PBX1: variants seen among roughly 807,000 people sequenced by gnomAD.
PBX1 encodes pre-B-cell leukemia transcription factor 1.
A neutral mutation model predicts 53.4 loss-of-function variants in PBX1; 6 were observed. That is an observed-to-expected ratio of 0.11 (90% CI 0.06 to 0.22). PBX1 has a LOEUF of 0.22. Ranked by LOEUF, PBX1 falls within the 10% of genes least tolerant of loss-of-function variation. The pLI, the probability that PBX1 is intolerant of heterozygous loss-of-function variation, is 1.00. For synonymous variants in PBX1, 204 were observed against 212.3 expected (o/e 0.96, Z 0.34); for missense variants, 251 against 551.4 (o/e 0.46, Z 5.46).
chr1:164,691,189 A>T (rs950571980), intron 2 of PBX1, among the ~76,000 whole-genome samples: 7 of 151,184 alleles, frequency 4.6e-5, no homozygotes, highest in African/African-American at 1.7e-4. Flanking sequence ...TAATTTTTGT[A>T]TTTTTTGTAG....
chr1:164,811,523 A>G (rs1261356542), intron 5 of PBX1, among the ~76,000 whole-genome samples: 2 of 152,188 alleles, frequency 1.3e-5, no homozygotes, highest in African/African-American at 4.8e-5. Flanking sequence ...AAGTTATGTA[A>G]CTTCTAAAAA....
At position 164,799,899 on chromosome 1, in the gene PBX1, C is replaced by T. The variant is rs1468111822; in HGVS notation, c.701+10C>T. 6.2e-7 allele frequency: 1 copy of T among 1,605,790 alleles called. No homozygotes were observed. The highest frequency in any genetic ancestry group is 8.5e-7 in the Non-Finnish European group (1 of 1,174,914). On this transcript the variant is annotated intron_variant, in intron 4 of 8. Transcript: ENST00000420696. ...GATTTCTGGATGCGCGGTGAGTCTC[C>T]CATGGGGCTGTCCTGCCCTCTCTGG... is the stretch of plus-strand genomic sequence containing the variant.
At chr1:164,630,293 A>T (rs1027366704) in intron 2 of PBX1, among the ~76,000 whole-genome samples, 2 of 152,138 alleles carry the variant, frequency 1.3e-5, no homozygotes, top group Admixed American at 6.6e-5. Flanking sequence ...TATGCTTCCA[A>T]AGTCTGAGTG....
chr1:164,784,410 A>C (rs1668075874), intron 2 of PBX1, among the ~76,000 whole-genome samples: 1 of 152,222 alleles, frequency 6.6e-6, no homozygotes, highest in Admixed American at 6.5e-5. Flanking sequence ...GCAGCGTGCC[A>C]AGTGGGGAAC....
chr1:164,679,900 A>C (rs369147439), intron 2 of PBX1, among the ~76,000 whole-genome samples: 2 of 144,346 alleles, frequency 1.4e-5, no homozygotes, highest in East Asian at 2.1e-4. Flanking sequence ...CTCACAAATT[A>C]TGTCTTATGA....
At chr1:164,878,686 A>T (rs1672572594) in intron 2 of PBX1, among the ~76,000 whole-genome samples, 1 of 152,182 alleles carries the variant, frequency 6.6e-6, no homozygotes, top group African/African-American at 2.4e-5. Context: ...GAAAAAAAAA[A>T]ATCTAAATAT....
chr1:164,716,253 C>T (rs966980853), intron 2 of PBX1, among the ~76,000 whole-genome samples: 182 of 152,158 alleles, frequency 1.2e-3, no homozygotes, highest in African/African-American at 4.2e-3. Flanking sequence ...AATGCCACAT[C>T]GTTCCTTCTG....
intron 8 of PBX1, among the ~76,000 whole-genome samples, chr1:164,826,865 C>T (rs1670493416): frequency 6.6e-6 from 1 of 151,706 alleles, no homozygotes; most frequent in African/African-American, 2.4e-5. Flanking sequence ...ATGCCGTTAA[C>T]ATCAATTTAT....
intron 2 of PBX1, among the ~76,000 whole-genome samples, chr1:164,749,982 C>G (rs1053049370): frequency 6.6e-6 from 1 of 152,006 alleles, no homozygotes; most frequent in Admixed American, 6.6e-5. Context: ...TGCCTATAGT[C>G]CCAGCTACTT....
At chr1:164,869,879 A>G (rs564806144) in intron 2 of PBX1, among the ~76,000 whole-genome samples, 1 of 152,310 alleles carries the variant, frequency 6.6e-6, no homozygotes, top group South Asian at 2.1e-4. Context: ...CAGGCAGAGT[A>G]TACAGCACAT....
At chr1:164,853,935 A>G (rs1170268842), downstream of PBX1, among the ~76,000 whole-genome samples, 1 of 130,992 alleles carries the variant, frequency 7.6e-6, no homozygotes, top group African/African-American at 3.1e-5. Flanking sequence ...ATTTTTATTT[A>G]TTTTATTTTT....
rs190981511 is a variant in PBX1 at position 164,805,914 on chromosome 1, C to T, written c.702-1628C>T. The stretch of plus-strand genomic sequence containing the variant: ...TACCTGTGGACAGATGGTGTTCTTC[C>T]GGTAAAATCAGGCACTTCATTGTGT... On this transcript the variant is annotated intron_variant, in intron 4 of 8. Transcript: ENST00000420696. Among the ~76,000 whole-genome samples the T allele has an allele frequency of 6.6e-5, 10 of 152,192 alleles. No individual in the cohort carries two copies. The East Asian group carries it at 7.7e-4, about 12-fold the overall frequency.
intron 2 of PBX1, among the ~76,000 whole-genome samples, chr1:164,874,638 C>T (rs1232965479): frequency 6.6e-5 from 10 of 152,118 alleles, no homozygotes; most frequent in Admixed American, 4.6e-4. Flanking sequence ...GGAATTCAGG[C>T]GTACGTCACC....
chr1:164,784,262 G>T (rs1007786877), intron 2 of PBX1, among the ~76,000 whole-genome samples: 1 of 152,168 alleles, frequency 6.6e-6, no homozygotes, highest in African/African-American at 2.4e-5. Flanking sequence ...TTAGGCAAAG[G>T]GGTTTCCCGA....
intron 2 of PBX1, chr1:164,605,334 C>T (rs1486031540): frequency 6.6e-6 from 1 of 151,906 alleles, no homozygotes; most frequent in East Asian, 1.9e-4. Flanking sequence ...GACTTTTGTC[C>T]TAAAATTCCA....
intron 8 of PBX1, among the ~76,000 whole-genome samples, chr1:164,834,280 G>A (rs994369030): frequency 6.6e-6 from 1 of 151,332 alleles, no homozygotes; most frequent in African/African-American, 2.4e-5. Flanking sequence ...CCTAATGCCT[G>A]TTCTTGAGCA....
intron 2 of PBX1, among the ~76,000 whole-genome samples, chr1:164,603,702 C>T (rs1273416269): frequency 6.6e-6 from 1 of 152,074 alleles, no homozygotes; most frequent in South Asian, 2.1e-4. Context: ...AGAATGCTTA[C>T]AATAAACTGT....
intron 2 of PBX1, among the ~76,000 whole-genome samples, chr1:164,717,729 C>A (rs1047191183): frequency 6.6e-6 from 1 of 152,126 alleles, no homozygotes; most frequent in Non-Finnish European, 1.5e-5. Context: ...TGTGCCTTGG[C>A]TGAAGGCGTC....
Position 164,846,851 on chromosome 1 carries a change from C to CTTCT in PBX1, c.*178_*181dup. 1 of 1,431,538 alleles carries CTTCT rather than the reference C, an allele frequency of 7.0e-7. No individual in the cohort carries two copies. The highest frequency in any genetic ancestry group is 9.1e-7 in the Non-Finnish European group (1 of 1,094,974). 88.7% of individuals were successfully genotyped at this position (1,431,538 alleles called of 1,614,324 possible). Reference sequence around the variant, plus strand: ...GATGCTATTTCAGCCAATCTGGACACTTCTTTATACTCTCTTCCCTTTTTT... The same window carrying CTTCT: ...GATGCTATTTCAGCCAATCTGGACACTTCTTTCTTTATACTCTCTTCCCTTTTTT... On this transcript the variant is annotated 3_prime_UTR_variant, in exon 9 of 9. Coordinates refer to ENST00000420696, the MANE Select transcript of PBX1 (RefSeq NM_002585.4).
Sources: gnomAD v4.1 joint callset for allele counts (sites outside exome capture counted in the v4.1 genomes callset) on GRCh38, gnomAD v4.1.1 for gene constraint, MANE v1.5 for transcripts, NCBI Gene and HGNC (gene_info 2026-07-23, HGNC 2026-07-21) for gene names.